TCF12: variants seen among roughly 807,000 people sequenced by gnomAD.
TCF12 encodes DNA-binding protein HTF4.
A neutral mutation model predicts 86.0 loss-of-function variants in TCF12; 45 were observed. The observed-to-expected ratio is 0.52, with a 90% confidence interval of 0.41 to 0.67. The LOEUF is 0.67. TCF12 is among the 30% of genes least tolerant of loss of function. The pLI is 0.00. For missense variants in TCF12, 881 were observed against 859.9 expected, an observed-to-expected ratio of 1.02 and a Z score of -0.31; for synonymous variants, 330 against 299.6, an observed-to-expected ratio of 1.10 and a Z score of -1.05.
intron 8 of TCF12, among the ~76,000 whole-genome samples, chr15:57,205,084 G>A (rs1425899527): frequency 5.3e-5 from 8 of 152,060 alleles, no homozygotes; most frequent in South Asian, 4.2e-4. Context: ...AGGTGGAGGC[G>A]GGCAGATCAC....
At chr15:57,078,382 C>G (rs2070322583) in intron 4 of TCF12, among the ~76,000 whole-genome samples, 1 of 152,082 alleles carries the variant, frequency 6.6e-6, no homozygotes. Flanking sequence ...ACTAATCAAA[C>G]CTTGGAAGCT....
At chr15:57,054,793 T>A (rs893240206) in intron 3 of TCF12, among the ~76,000 whole-genome samples, 1 of 142,432 alleles carries the variant, frequency 7.0e-6, no homozygotes, top group African/African-American at 2.6e-5. Context: ...TTTTTTTTTT[T>A]TTTTTTTTTG....
In TCF12 at chr15:57,232,383, A is replaced by G. The variant is rs534246795; in HGVS notation, c.778A>G (p.Met260Val). The G allele has an allele frequency of 6.2e-7, 1 of 1,613,286 alleles. No homozygotes were observed. Among genetic ancestry groups the G allele is most frequent in the South Asian group, 1.1e-5 (1 of 90,888 alleles). Residue 260 changes from methionine (M) to valine (V), a missense_variant, in exon 10 of 21, where the codon ATG (methionine) becomes GTG (valine). By Grantham distance (21) the Met-to-Val change is conservative. Transcript: ENST00000333725. Reference protein sequence around the residue: ...GGILGTSTSHMSQSSSYGNLH... With the variant: ...GGILGTSTSHVSQSSSYGNLH... ...AATTCTGGGGACCTCCACTTCCCAC[A>G]TGTCTCAATCCAGTAGTTATGGCAA...
intron 3 of TCF12, among the ~76,000 whole-genome samples, chr15:57,052,833 T>C (rs529074628): frequency 1.6e-4 from 24 of 152,170 alleles, no homozygotes; most frequent in Non-Finnish European, 2.8e-4. Context: ...TAGATAGTGC[T>C]CATGTAAACA....
intron 4 of TCF12, among the ~76,000 whole-genome samples, chr15:57,064,812 A>AG (rs1555495497): frequency 9.7e-5 from 12 of 123,454 alleles, no homozygotes; most frequent in Middle Eastern, 4.2e-3. Flanking sequence ...AAAAAAAAAA[A>AG]AGAGAGAGAG....
At chr15:57,124,122 T>C (rs558846516) in intron 5 of TCF12, among the ~76,000 whole-genome samples, 10 of 152,192 alleles carry the variant, frequency 6.6e-5, no homozygotes, top group African/African-American at 2.4e-4. Flanking sequence ...GTTTAATTCT[T>C]GAGTCTCTCC....
intron 4 of TCF12, among the ~76,000 whole-genome samples, chr15:57,080,590 C>T (rs1365271378): frequency 6.6e-6 from 1 of 152,112 alleles, no homozygotes; most frequent in African/African-American, 2.4e-5. Flanking sequence ...GATTAGTGCC[C>T]CCTATCATGC....
At chr15:56,955,459 A>T (rs1356165809) in intron 3 of TCF12, among the ~76,000 whole-genome samples, 1 of 152,164 alleles carries the variant, frequency 6.6e-6, no homozygotes, top group Non-Finnish European at 1.5e-5. Flanking sequence ...GTAAATGACC[A>T]GTTGATGGGT....
chr15:57,244,722 C>T (rs1181862781), intron 13 of TCF12, among the ~76,000 whole-genome samples: 1 of 151,916 alleles, frequency 6.6e-6, no homozygotes, highest in East Asian at 1.9e-4. Flanking sequence ...CATCCTTCTC[C>T]CAAAGTGCTG....
intron 6 of TCF12, among the ~76,000 whole-genome samples, chr15:57,189,521 C>G (rs1406070676): frequency 6.6e-6 from 1 of 152,142 alleles, no homozygotes; most frequent in Non-Finnish European, 1.5e-5. Flanking sequence ...TTATGCGAAT[C>G]AAAACCACTG....
chr15:57,279,884 C>CT (rs34752903), intron 19 of TCF12, among the ~76,000 whole-genome samples: 7,046 of 98,228 alleles, frequency 0.072, 984 homozygotes, highest in African/African-American at 0.27. Flanking sequence ...CACAGTCTCA[C>CT]TTTTTTTTTT....
chr15:57,231,014 G>A, intron 8 of TCF12, 138 bp from the exon 9 acceptor site: 1 of 593,360 alleles, frequency 1.7e-6, no homozygotes, highest in Non-Finnish European at 2.9e-6. Flanking sequence ...GATTTAGGCA[G>A]TATTCTTTTC....
At chr15:57,245,854 G>T (rs1033827545) in intron 13 of TCF12, among the ~76,000 whole-genome samples, 4 of 152,076 alleles carry the variant, frequency 2.6e-5, no homozygotes, top group African/African-American at 9.7e-5. Flanking sequence ...ACATACTTGT[G>T]TTGAAACAGC....
At chr15:56,948,335 CTT>C (rs1310918948) in intron 3 of TCF12, among the ~76,000 whole-genome samples, 1 of 152,048 alleles carries the variant, frequency 6.6e-6, no homozygotes, top group Non-Finnish European at 1.5e-5. Context: ...TGCTTTGAGT[CTT>C]TACAGAAAAG....
At chr15:57,222,703 A>G (rs575155631) in intron 8 of TCF12, among the ~76,000 whole-genome samples, 11 of 151,124 alleles carry the variant, frequency 7.3e-5, no homozygotes, top group Non-Finnish European at 7.4e-5. Flanking sequence ...AGAAAGTGAG[A>G]AAAAAGTCTT....
intron 18 of TCF12, among the ~76,000 whole-genome samples, chr15:57,268,516 C>T (rs1399883225): frequency 6.6e-6 from 1 of 152,160 alleles, no homozygotes; most frequent in African/African-American, 2.4e-5. Context: ...GCTTCCCAAA[C>T]CACTTAGGTT....
intron 18 of TCF12, among the ~76,000 whole-genome samples, chr15:57,269,656 G>A (rs768623409): frequency 3.3e-5 from 5 of 152,010 alleles, no homozygotes; most frequent in Non-Finnish European, 5.9e-5. Context: ...AGCATCGATG[G>A]TCTTTACAAT....
intron 3 of TCF12, among the ~76,000 whole-genome samples, chr15:57,044,557 T>G (rs1386961590): frequency 6.6e-6 from 1 of 152,216 alleles, no homozygotes; most frequent in Non-Finnish European, 1.5e-5. Context: ...TCCAGATTTG[T>G]GACTGATTTG....
chr15:57,273,303 G>A (rs1469462649), intron 19 of TCF12, 41 bp downstream of exon 19: 2 of 1,582,772 alleles, frequency 1.3e-6, no homozygotes, highest in African/African-American at 1.3e-5. Flanking sequence ...TTCTGCTTCA[G>A]ATGGGCAGAC....
Sources: allele counts gnomAD v4.1 joint callset (sites outside exome capture counted in the v4.1 genomes callset), GRCh38; gene constraint gnomAD v4.1.1; transcripts MANE v1.5; gene names NCBI Gene and HGNC (gene_info 2026-07-23, HGNC 2026-07-21).